The following KSR1 variants were observed in gnomAD, a reference collection of about 807,000 sequenced individuals.
KSR1 encodes the protein kinase suppressor of ras 1, also known as kinase suppressor of ras.
In KSR1, 35 loss-of-function variants were observed where a neutral mutation model predicts 92.9. The ratio of observed to expected loss-of-function variants is 0.38; its 90% confidence interval spans 0.29 to 0.50. KSR1 has a LOEUF of 0.50. Among genes scored for constraint, KSR1 ranks in the 20% least tolerant of loss-of-function variants. The pLI, the probability that KSR1 is intolerant of heterozygous loss-of-function variation, is 0.94. For missense variants in KSR1, 972 were observed against 1,158.5 expected (o/e 0.84, Z 2.34); for synonymous variants, 467 against 472.6 (o/e 0.99, Z 0.15).
rs1430698826 is a variant in KSR1 at position 27,459,361 on chromosome 17, GA to G, written c.231+2490del. 8.5e-5 allele frequency among the ~76,000 whole-genome samples: 13 copies of G among 152,220 alleles called. No individual in the cohort carries two copies. The highest frequency in any genetic ancestry group is 8.5e-4 in the Admixed American group (13 of 15,290). Reference sequence around the variant, plus strand: ...TAACCCCTACTGGACCCTTGCTAGGGAAACTTAACCCCCTACTTTATGGGTT... The same window carrying G: ...TAACCCCTACTGGACCCTTGCTAGGGAACTTAACCCCCTACTTTATGGGTT... On this transcript the variant is annotated intron_variant, in intron 1 of 20. Transcript: ENST00000644974. The surrounding 1 kb of genome is among the most constrained non-coding windows in gnomAD (Gnocchi z 4.6).
chr17:27,579,594 C>G (rs2072658083), intron 3 of KSR1: 1 of 152,112 alleles, frequency 6.6e-6, no homozygotes, highest in Non-Finnish European at 1.5e-5. Context: ...GGTGAGTGAA[C>G]AGCTGGGCAT....
chr17:27,486,648 T>TCCTACCTTGACTCGGA (rs2068674249), intron 1 of KSR1, among the ~76,000 whole-genome samples: 1 of 152,202 alleles, frequency 6.6e-6, no homozygotes, highest in Non-Finnish European at 1.5e-5. Context: ...CAACCTTGAC[T>TCCTACCTTGACTCGGA]GTGCCCTGTG....
intron 1 of KSR1, among the ~76,000 whole-genome samples, chr17:27,483,201 A>G (rs1044233458): frequency 6.6e-6 from 1 of 152,212 alleles, no homozygotes; most frequent in Non-Finnish European, 1.5e-5. Context: ...CAACTCATCA[A>G]CAGGTTTTTT....
intron 1 of KSR1, among the ~76,000 whole-genome samples, chr17:27,535,366 G>A (rs868189354): frequency 2.6e-5 from 4 of 152,174 alleles, no homozygotes; most frequent in African/African-American, 9.7e-5. Context: ...ATTGGTGTGC[G>A]CCACAGAAAG....
intron 2 of KSR1, chr17:27,558,252 T>C (rs1186178607): frequency 6.7e-6 from 1 of 149,416 alleles, no homozygotes; most frequent in African/African-American, 2.5e-5. Flanking sequence ...ACGTGCAAAT[T>C]TACTCCCTTC....
intron 18 of KSR1, 33 bp from the exon 19 acceptor site, chr17:27,617,262 C>G (rs1220465683): frequency 1.3e-6 from 2 of 1,585,560 alleles, no homozygotes; most frequent in Non-Finnish European, 1.7e-6. Flanking sequence ...TCCCAGCCAG[C>G]TCACACACCA....
At chr17:27,613,299 A>T (rs1395673797) in intron 18 of KSR1, 1 of 152,328 alleles carries the variant, frequency 6.6e-6, no homozygotes, top group East Asian at 1.9e-4. Context: ...GTGATGCAGA[A>T]TTTTTTGCTC....
At chr17:27,619,774 G>T (rs991616137) in intron 19 of KSR1, among the ~76,000 whole-genome samples, 3 of 148,400 alleles carry the variant, frequency 2.0e-5, no homozygotes, top group Non-Finnish European at 4.5e-5. Context: ...GTACAGTGGT[G>T]CAATCTCGAC....
At chr17:27,506,866 G>C (rs1176101857) in intron 1 of KSR1, among the ~76,000 whole-genome samples, 1 of 152,072 alleles carries the variant, frequency 6.6e-6, no homozygotes, top group Non-Finnish European at 1.5e-5. Context: ...TCAGCCCCCA[G>C]CTGTCAGAGA....
chr17:27,533,344 A>T (rs950595456), intron 1 of KSR1, among the ~76,000 whole-genome samples: 3 of 151,510 alleles, frequency 2.0e-5, no homozygotes, highest in Admixed American at 6.6e-5. Flanking sequence ...ACCAAAATCC[A>T]CAGATTCTCA....
chr17:27,588,790 C>G (rs146146956), intron 6 of KSR1, among the ~76,000 whole-genome samples: 148 of 152,306 alleles, frequency 9.7e-4, no homozygotes, highest in African/African-American at 3.2e-3. Flanking sequence ...TTCCTTCTTT[C>G]CCAGGACACA....
intron 1 of KSR1, among the ~76,000 whole-genome samples, chr17:27,473,279 A>G (rs538136584): frequency 4.2e-4 from 64 of 152,358 alleles, no homozygotes; most frequent in African/African-American, 1.4e-3. Flanking sequence ...CAGGGCAGAA[A>G]GAGATAATAC....
chr17:27,617,425 C>A lies in KSR1; in HGVS notation c.2624C>A (p.Ala875Asp). 1 of 1,605,884 alleles carries A rather than the reference C, an allele frequency of 6.2e-7. No homozygotes were observed. The change falls in exon 19 of 21, where the codon GCT (alanine) becomes GAT (aspartate). Residue 875 changes from alanine (A) to aspartate (D), a missense_variant. By Grantham distance (126) the Ala-to-Asp change is moderately radical. Transcript: ENST00000644974. ...CACCCTGGACACTTCTGGAAGTCAG[C>A]TGAGTAAGTGCCTCTTCCATGAGCC... ...LSHPGHFWKS[A>D]DRWRSRYYGK...
chr17:27,541,543 A>G (rs1175043772), intron 1 of KSR1, among the ~76,000 whole-genome samples: 1 of 152,178 alleles, frequency 6.6e-6, no homozygotes, highest in African/African-American at 2.4e-5. Context: ...ACTGCCTGGA[A>G]CAGTCTAGGC....
intron 2 of KSR1, among the ~76,000 whole-genome samples, chr17:27,571,958 AC>A (rs1409771573): frequency 6.6e-6 from 1 of 151,984 alleles, no homozygotes; most frequent in Non-Finnish European, 1.5e-5. Context: ...ACCATTTGAT[AC>A]CTAACTGGCC....
intron 1 of KSR1, among the ~76,000 whole-genome samples, chr17:27,540,798 C>A (rs931768114): frequency 2.6e-5 from 4 of 152,220 alleles, no homozygotes; most frequent in African/African-American, 9.6e-5. Flanking sequence ...GTGCTATGGT[C>A]GCTGCGTGCC....
At chr17:27,607,434 AC>A in intron 14 of KSR1, among the ~76,000 whole-genome samples, 1 of 151,766 alleles carries the variant, frequency 6.6e-6, no homozygotes, top group Admixed American at 6.6e-5. Context: ...CATCTACCCC[AC>A]CCCCTTTCCC....
chr17:27,474,127 C>T (rs1207832625), intron 1 of KSR1, among the ~76,000 whole-genome samples: 3 of 152,196 alleles, frequency 2.0e-5, no homozygotes, highest in Non-Finnish European at 2.9e-5. Flanking sequence ...AAGACTTAGG[C>T]GGCCTCAAAT....
chr17:27,585,511 A>G (rs1328902686), intron 4 of KSR1, 146 bp from the exon 5 acceptor site: 1 of 694,348 alleles, frequency 1.4e-6, no homozygotes, highest in East Asian at 2.7e-5. Flanking sequence ...GGGTTCCCAG[A>G]GTCAATCAGC....
Sources: gnomAD v4.1 joint callset for allele counts (sites outside exome capture counted in the v4.1 genomes callset) on GRCh38, gnomAD v4.1.1 for gene constraint, Gnocchi (gnomAD v3.1) non-coding constraint, MANE v1.5 for transcripts, NCBI Gene and HGNC (gene_info 2026-07-23, HGNC 2026-07-21) for gene names.